Variants in CATSPERT observed in about 807,000 individuals in gnomAD.
CATSPERT encodes catsper channel auxiliary subunit tau.
At chr2:201,506,094 C>G in the CATSPERT span, among the ~76,000 whole-genome samples, 1 of 152,190 alleles carries the variant, frequency 6.6e-6, no homozygotes. Context: ...GGTGAAACCC[C>G]GTCTCTACTA....
the CATSPERT span, among the ~76,000 whole-genome samples, chr2:201,519,101 C>T: frequency 6.6e-6 from 1 of 152,174 alleles, no homozygotes; most frequent in Non-Finnish European, 1.5e-5. Context: ...GGTTTAGTTC[C>T]CTTCTCCATT....
chr2:201,593,508 C>T, the CATSPERT span, among the ~76,000 whole-genome samples: 3 of 115,366 alleles, frequency 2.6e-5, no homozygotes, highest in Non-Finnish European at 5.5e-5. Context: ...CCGCTTGGTG[C>T]AGAGCTGAGT....
the CATSPERT span, among the ~76,000 whole-genome samples, chr2:201,524,158 A>T: frequency 6.6e-6 from 1 of 152,096 alleles, no homozygotes; most frequent in Non-Finnish European, 1.5e-5. Flanking sequence ...CATCCCCAAG[A>T]CATATAGTCA....
At chr2:201,601,754 C>G in the CATSPERT span, 1 of 1,611,240 alleles carries the variant, frequency 6.2e-7, no homozygotes, top group Non-Finnish European at 8.5e-7. Flanking sequence ...CAGAAAAATA[C>G]TTCACTTCAT....
the CATSPERT span, among the ~76,000 whole-genome samples, chr2:201,560,257 G>C: frequency 1.3e-5 from 2 of 151,724 alleles, no homozygotes; most frequent in East Asian, 3.9e-4. Context: ...GCGAAACCCT[G>C]TCTCTAGTAA....
the CATSPERT span, among the ~76,000 whole-genome samples, chr2:201,519,296 A>G: frequency 1.3e-5 from 2 of 152,186 alleles, no homozygotes; most frequent in African/African-American, 4.8e-5. Context: ...CATGGTGACT[A>G]TACTACTGTG....
At chr2:201,607,741 G>A in the CATSPERT span, among the ~76,000 whole-genome samples, 2 of 152,170 alleles carry the variant, frequency 1.3e-5, no homozygotes, top group Admixed American at 6.5e-5. Context: ...GTTAAAAACC[G>A]AATTGCCTTT....
chr2:201,521,431 C>CAGAGAG, the CATSPERT span, among the ~76,000 whole-genome samples: 1 of 73,142 alleles, frequency 1.4e-5, no homozygotes, highest in Non-Finnish European at 3.5e-5. Flanking sequence ...GAGAGACAGA[C>CAGAGAG]AGAGAGAGAG....
At chr2:201,530,390 T>C in the CATSPERT span, among the ~76,000 whole-genome samples, 1 of 152,140 alleles carries the variant, frequency 6.6e-6, no homozygotes, top group Non-Finnish European at 1.5e-5. Flanking sequence ...GAAAATATAG[T>C]ATATGTACAC....
the CATSPERT span, among the ~76,000 whole-genome samples, chr2:201,515,809 T>G: frequency 6.6e-6 from 1 of 152,220 alleles, no homozygotes; most frequent in African/African-American, 2.4e-5. Flanking sequence ...TCCACCCACC[T>G]GTGGCAAATG....
At chr2:201,614,339 C>A in the CATSPERT span, among the ~76,000 whole-genome samples, 2 of 152,274 alleles carry the variant, frequency 1.3e-5, no homozygotes, top group South Asian at 2.1e-4. Flanking sequence ...AAGGGAAGCC[C>A]ATCAGACTAA....
chr2:201,489,557 TATA>T, the CATSPERT span, among the ~76,000 whole-genome samples: 1 of 152,174 alleles, frequency 6.6e-6, no homozygotes, highest in Non-Finnish European at 1.5e-5. Flanking sequence ...TATATAGCTA[TATA>T]ATATTTACCC....
the CATSPERT span, among the ~76,000 whole-genome samples, chr2:201,499,665 C>A: frequency 1.3e-5 from 2 of 151,742 alleles, no homozygotes; most frequent in African/African-American, 2.4e-5. Context: ...AAAACCTTGT[C>A]TCTACAAAAA....
the CATSPERT span, among the ~76,000 whole-genome samples, chr2:201,533,641 A>G: frequency 6.6e-6 from 1 of 152,220 alleles, no homozygotes; most frequent in African/African-American, 2.4e-5. Context: ...TGATGCAGTA[A>G]TAGCATGACA....
chr2:201,499,676 A>G, the CATSPERT span, among the ~76,000 whole-genome samples: 1 of 151,862 alleles, frequency 6.6e-6, no homozygotes, highest in South Asian at 2.1e-4. Flanking sequence ...TCTACAAAAA[A>G]TACAAAAAAT....
At chr2:201,618,573 G>A in the CATSPERT span, among the ~76,000 whole-genome samples, 1 of 149,690 alleles carries the variant, frequency 6.7e-6, no homozygotes, top group Non-Finnish European at 1.5e-5. Context: ...TTGGGGGGAG[G>A]GAGGAGGGAT....
the CATSPERT span, among the ~76,000 whole-genome samples, chr2:201,566,145 T>C: frequency 5.9e-5 from 9 of 152,274 alleles, no homozygotes; most frequent in Non-Finnish European, 1.2e-4. Context: ...GTACAAAGTA[T>C]TTGAGCCCAG....
the CATSPERT span, among the ~76,000 whole-genome samples, chr2:201,559,893 C>T: frequency 2.0e-5 from 3 of 152,014 alleles, no homozygotes; most frequent in African/African-American, 7.3e-5. Flanking sequence ...GGAAACGTCA[C>T]CTTCAATAAA....
chr2:201,523,949 A>G, the CATSPERT span, among the ~76,000 whole-genome samples: 4 of 152,314 alleles, frequency 2.6e-5, no homozygotes, highest in African/African-American at 9.6e-5. Context: ...AAATTTTTAA[A>G]AATTAAGAAA....
Sources: gnomAD v4.1 joint callset for allele counts (sites outside exome capture counted in the v4.1 genomes callset) on GRCh38, gnomAD v4.1.1 for gene constraint, MANE v1.5 for transcripts, NCBI Gene and HGNC (gene_info 2026-07-23, HGNC 2026-07-21) for gene names.